Variants in FGF2 observed in about 807,000 individuals in gnomAD.
FGF2 encodes the protein fibroblast growth factor 2, also known as basic fibroblast growth factor bFGF.
In FGF2, 13 loss-of-function variants were observed where a neutral mutation model predicts 15.9. The observed-to-expected ratio is 0.82, with a 90% CI of 0.53 to 1.30. FGF2 has a LOEUF of 1.30. Ranked by LOEUF, FGF2 falls within the 50% of genes most tolerant of loss-of-function variation. FGF2 has a pLI of 0.00. For missense variants in FGF2, 163 were observed against 196.9 expected, an observed-to-expected ratio of 0.83 and a Z score of 1.03; for synonymous variants, 90 against 78.4, an observed-to-expected ratio of 1.15 and a Z score of -0.78.
chr4:122,890,874 T>C, intron 2 of FGF2, among the ~76,000 whole-genome samples: 1 of 152,338 alleles, frequency 6.6e-6, no homozygotes, highest in Middle Eastern at 3.4e-3. Context: ...GTTTTCTATA[T>C]AAGTTTATCA....
At chr4:122,862,086 A>C (rs1726483067) in intron 1 of FGF2, among the ~76,000 whole-genome samples, 1 of 152,186 alleles carries the variant, frequency 6.6e-6, no homozygotes, top group Non-Finnish European at 1.5e-5. Flanking sequence ...TATGTTCCTT[A>C]AGGCTAAAGA....
chr4:122,857,030 AGTGTTGCCTG>A (rs1414153364), intron 1 of FGF2, among the ~76,000 whole-genome samples: 3 of 152,214 alleles, frequency 2.0e-5, no homozygotes, highest in Non-Finnish European at 4.4e-5. Flanking sequence ...GCATGTCGTC[AGTGTTGCCTG>A]GTGTTGCTGT....
chr4:122,859,787 A>G (rs952320846), intron 1 of FGF2, among the ~76,000 whole-genome samples: 2 of 152,222 alleles, frequency 1.3e-5, no homozygotes, highest in African/African-American at 2.4e-5. Context: ...CATGCATTTG[A>G]CACCATGTTA....
At chr4:122,834,463 A>G (rs149124691) in intron 1 of FGF2, among the ~76,000 whole-genome samples, 248 of 152,298 alleles carry the variant, frequency 1.6e-3, no homozygotes, top group Non-Finnish European at 2.8e-3. Flanking sequence ...TTCCACTTAA[A>G]TCATTCTTAT....
intron 1 of FGF2, among the ~76,000 whole-genome samples, chr4:122,846,298 A>G (rs747002623): frequency 5.3e-5 from 8 of 152,360 alleles, no homozygotes; most frequent in South Asian, 2.1e-4. Context: ...TATTGCGACA[A>G]TTACCCAAAT....
At chr4:122,855,227 A>G (rs188395243) in intron 1 of FGF2, among the ~76,000 whole-genome samples, 282 of 152,346 alleles carry the variant, frequency 1.9e-3, no homozygotes, top group Non-Finnish European at 3.2e-3. Flanking sequence ...TCACCCAAGA[A>G]GCATTTCGAA....
intron 1 of FGF2, among the ~76,000 whole-genome samples, chr4:122,836,471 T>G (rs1725868071): frequency 6.6e-6 from 1 of 152,222 alleles, no homozygotes; most frequent in Non-Finnish European, 1.5e-5. Flanking sequence ...CTAAAAATTC[T>G]CTCTAATAGC....
At chr4:122,844,574 T>C (rs55843250) in intron 1 of FGF2, among the ~76,000 whole-genome samples, 4,556 of 130,816 alleles carry the variant, frequency 0.035, 101 homozygotes, top group African/African-American at 0.066. Flanking sequence ...TCTTTCTTTT[T>C]CTTTCTTTCT....
intron 1 of FGF2, among the ~76,000 whole-genome samples, chr4:122,844,980 A>G (rs569452328): frequency 1.8e-4 from 28 of 152,202 alleles, no homozygotes; most frequent in Non-Finnish European, 3.2e-4. Flanking sequence ...CATTGGAGGA[A>G]TTACTATCTA....
At position 122,892,193 on chromosome 4, in the gene FGF2, TCTTC is replaced by T; in HGVS notation, c.283-14_283-11del. 1 of 1,575,216 alleles carries T rather than the reference TCTTC, an allele frequency of 6.3e-7. No homozygotes were observed. The highest frequency in any genetic ancestry group is 8.7e-7 in the Non-Finnish European group (1 of 1,144,782). On this transcript the variant is annotated splice_polypyrimidine_tract_variant and intron_variant, in intron 2 of 2. Transcript: ENST00000644866. The stretch of plus-strand genomic sequence containing the variant: ...AATAATGATAATAATAACAGGTAAT[TCTTC>T]CTTTATTTTTCAGAAATGTGTTACG...
At chr4:122,845,690 CCT>C (rs1726096221) in intron 1 of FGF2, among the ~76,000 whole-genome samples, 1 of 152,230 alleles carries the variant, frequency 6.6e-6, no homozygotes, top group Admixed American at 6.5e-5. Flanking sequence ...AGCTTCCTTA[CCT>C]CTCTCAGCCT....
intron 1 of FGF2, among the ~76,000 whole-genome samples, chr4:122,839,830 C>T (rs980628999): frequency 1.3e-5 from 2 of 152,194 alleles, no homozygotes; most frequent in Non-Finnish European, 2.9e-5. Context: ...CCATAACAAA[C>T]ATACCACAGT....
At chr4:122,890,197 T>C (rs920582929) in intron 2 of FGF2, 8 of 152,204 alleles carry the variant, frequency 5.3e-5, no homozygotes, top group African/African-American at 1.9e-4. Flanking sequence ...TAAATTTCAC[T>C]AGAGGTAGAG....
intron 1 of FGF2, among the ~76,000 whole-genome samples, chr4:122,873,813 T>A (rs925849014): frequency 2.6e-5 from 4 of 151,110 alleles, no homozygotes; most frequent in African/African-American, 9.9e-5. Flanking sequence ...AAACTTGTAA[T>A]TTAAAAATTA....
intron 1 of FGF2, among the ~76,000 whole-genome samples, chr4:122,844,610 CCTTCCTTTCTTT>C (rs1726069862): frequency 3.1e-5 from 4 of 131,136 alleles, no homozygotes; most frequent in East Asian, 2.0e-4. Context: ...TTCCTTCCTT[CCTTCCTTTCTTT>C]CTTCCTTTCT....
At chr4:122,843,241 AGTAGAT>A (rs1161500290) in intron 1 of FGF2, among the ~76,000 whole-genome samples, 1 of 152,232 alleles carries the variant, frequency 6.6e-6, no homozygotes, top group East Asian at 1.9e-4. Flanking sequence ...TTTGGAATCA[AGTAGAT>A]GTTTGCCAGG....
intron 1 of FGF2, among the ~76,000 whole-genome samples, chr4:122,837,931 T>C (rs1361693007): frequency 3.3e-5 from 5 of 152,224 alleles, no homozygotes; most frequent in Admixed American, 6.5e-5. Context: ...AAAAGAGAAA[T>C]ATTCTATTTT....
At chr4:122,832,889 T>TTCCTA (rs1303005601) in intron 1 of FGF2, among the ~76,000 whole-genome samples, 1 of 152,188 alleles carries the variant, frequency 6.6e-6, no homozygotes, top group Admixed American at 6.5e-5. Flanking sequence ...AGCTAGGTTA[T>TTCCTA]GTATAGCCAC....
At chr4:122,890,833 ATATTT>A (rs1167591148) in intron 2 of FGF2, among the ~76,000 whole-genome samples, 8 of 152,142 alleles carry the variant, frequency 5.3e-5, no homozygotes, top group Non-Finnish European at 1.2e-4. Flanking sequence ...TATACATCTT[ATATTT>A]ATGTGTTTAG....
Sources: allele counts gnomAD v4.1 joint callset (sites outside exome capture counted in the v4.1 genomes callset), GRCh38; gene constraint gnomAD v4.1.1; transcripts MANE v1.5; gene names NCBI Gene and HGNC (gene_info 2026-07-23, HGNC 2026-07-21).